Variants in DNAH10 observed in about 807,000 individuals in gnomAD.
The protein encoded by DNAH10 is axonemal beta dynein heavy chain 10.
A neutral mutation model predicts 506.6 loss-of-function variants in DNAH10; 348 were observed. That is an observed-to-expected ratio of 0.69 (90% CI 0.63 to 0.75). The LOEUF (loss-of-function observed/expected upper bound fraction) is 0.75. Among genes scored for constraint, DNAH10 ranks in the 30% least tolerant of loss-of-function variants. The pLI is 0.00. For synonymous variants in DNAH10, 2,059 were observed against 2,198.6 expected, an observed-to-expected ratio of 0.94 and a Z score of 1.78; for missense variants, 5,179 against 5,787.1, an observed-to-expected ratio of 0.89 and a Z score of 3.41.
intron 37 of DNAH10, among the ~76,000 whole-genome samples, chr12:123,858,383 G>T (rs1044063080): frequency 1.3e-5 from 2 of 152,186 alleles, no homozygotes; most frequent in African/African-American, 4.8e-5. Flanking sequence ...TCAGGCCTGG[G>T]CAGTGGGCAC....
At chr12:123,827,719 G>A (rs561736046) in intron 25 of DNAH10, among the ~76,000 whole-genome samples, 4 of 152,224 alleles carry the variant, frequency 2.6e-5, no homozygotes, top group South Asian at 4.2e-4. Flanking sequence ...CCCTTCTTTG[G>A]TTCCCTTCCT....
At chr12:123,918,487 G>T (rs1033070047) in intron 64 of DNAH10, among the ~76,000 whole-genome samples, 189 bp from the exon 65 acceptor site, 1 of 152,240 alleles carries the variant, frequency 6.6e-6, no homozygotes, top group African/African-American at 2.4e-5. Context: ...GGCCATGGGT[G>T]CAGGGGCGTC....
At chr12:123,901,500 G>A (rs1392315004) in intron 56 of DNAH10, among the ~76,000 whole-genome samples, 2 of 152,208 alleles carry the variant, frequency 1.3e-5, no homozygotes, top group African/African-American at 2.4e-5. Flanking sequence ...CTTGTTAGCT[G>A]TGGAGATGGG....
intron 5 of DNAH10, 131 bp from the exon 6 acceptor site, chr12:123,780,942 CAAAAAAA>C: frequency 3.0e-6 from 1 of 332,746 alleles, no homozygotes; most frequent in Non-Finnish European, 4.7e-6. Context: ...GACTCTGTCT[CAAAAAAA>C]AAAAAAAAAA....
chr12:123,766,088 ATCTATCTATCTATACATCTG>A (rs1455752734), intron 1 of DNAH10, among the ~76,000 whole-genome samples: 1 of 108,152 alleles, frequency 9.2e-6, no homozygotes, highest in African/African-American at 7.0e-5. Context: ...CTATCTATAC[ATCTATCTATCTATACATCTG>A]TCTGTCTATC....
intron 5 of DNAH10, 26 bp downstream of exon 5, chr12:123,774,290 C>A (rs750350887): frequency 6.6e-7 from 1 of 1,513,356 alleles, no homozygotes; most frequent in Non-Finnish European, 9.0e-7. Flanking sequence ...GGAAGAAATT[C>A]TAGTATTTCT....
intron 1 of DNAH10, among the ~76,000 whole-genome samples, chr12:123,765,356 C>T (rs1360743600): frequency 6.6e-6 from 1 of 152,168 alleles, no homozygotes; most frequent in East Asian, 1.9e-4. Context: ...TATGAATTCA[C>T]AGAACATAGA....
chr12:123,766,957 G>A (rs983845296), intron 1 of DNAH10, among the ~76,000 whole-genome samples: 3 of 149,176 alleles, frequency 2.0e-5, no homozygotes, highest in African/African-American at 7.4e-5. Context: ...CCAGGCTGGA[G>A]TGCAGTGGTG....
intron 46 of DNAH10, among the ~76,000 whole-genome samples, chr12:123,874,578 C>CCCAT (rs1402214075): frequency 4.1e-4 from 58 of 142,738 alleles, no homozygotes; most frequent in East Asian, 3.0e-3. Context: ...TACCCATCCA[C>CCCAT]CCATCCATCC....
chr12:123,886,348 T>A (rs535915254), intron 51 of DNAH10, among the ~76,000 whole-genome samples: 1 of 151,586 alleles, frequency 6.6e-6, no homozygotes, highest in African/African-American at 2.4e-5. Context: ...GTTCAGAGAG[T>A]AGTGCCAGGA....
intron 21 of DNAH10, among the ~76,000 whole-genome samples, chr12:123,816,172 C>G (rs970388403): frequency 2.6e-5 from 4 of 152,214 alleles, no homozygotes; most frequent in South Asian, 4.1e-4. Context: ...CACAGCCTCT[C>G]AAATCCTTGG....
intron 51 of DNAH10, among the ~76,000 whole-genome samples, 169 bp from the exon 52 acceptor site, chr12:123,886,973 T>C (rs1952762713): frequency 6.6e-6 from 1 of 152,192 alleles, no homozygotes; most frequent in African/African-American, 2.4e-5. Context: ...TTCCCCCTCC[T>C]CTGTTTCATG....
At chr12:123,920,110 A>T (rs2137563601) in intron 65 of DNAH10, among the ~76,000 whole-genome samples, 1 of 152,336 alleles carries the variant, frequency 6.6e-6, no homozygotes, top group East Asian at 1.9e-4. Flanking sequence ...TTTATTATGG[A>T]AAACATATGC....
intron 62 of DNAH10, among the ~76,000 whole-genome samples, chr12:123,915,819 G>A (rs548371292): frequency 1.4e-4 from 22 of 152,328 alleles, no homozygotes; most frequent in Admixed American, 7.2e-4. Context: ...GAAGAATGCC[G>A]CTGTGAATGT....
chr12:123,812,563 A>G (rs1397071045), intron 19 of DNAH10, among the ~76,000 whole-genome samples: 1 of 152,232 alleles, frequency 6.6e-6, no homozygotes, highest in African/African-American at 2.4e-5. Flanking sequence ...ATTTGCCTGA[A>G]TGTGTGTTTT....
intron 36 of DNAH10, among the ~76,000 whole-genome samples, chr12:123,856,002 A>G (rs991377526): frequency 6.7e-6 from 1 of 148,944 alleles, no homozygotes; most frequent in Non-Finnish European, 1.5e-5. Flanking sequence ...AAAAATGCAT[A>G]TTTACATTTA....
chr12:123,897,232 T>C (rs777395630), intron 54 of DNAH10, among the ~76,000 whole-genome samples: 6 of 152,246 alleles, frequency 3.9e-5, no homozygotes, highest in Non-Finnish European at 8.8e-5. Flanking sequence ...ACACATTTTG[T>C]TCATCCATTC....
chr12:123,837,757 ATT>A (rs994688492), intron 28 of DNAH10, among the ~76,000 whole-genome samples: 13 of 135,262 alleles, frequency 9.6e-5, no homozygotes, highest in African/African-American at 8.2e-5. Flanking sequence ...AAAAAAAAAA[ATT>A]TTTTTTTTTT....
In DNAH10 at chr12:123,851,021, A is replaced by G. The variant is rs758804666; in HGVS notation, c.6236A>G (p.Asp2079Gly). Residue 2079 changes from aspartate (D) to glycine (G), a missense_variant, in exon 35 of 79, where the codon GAC becomes GGC. By Grantham distance (94) the Asp-to-Gly change is moderately conservative. Around this residue, in one of 3 missense-constraint regions of DNAH10, gnomAD observed 4,844 missense variants for 5,430.5 expected, o/e 0.89. Transcript: ENST00000673944. The part of the protein sequence containing the change: ...LFRPVVVIVP[D>G]LQQICEIMLF... The stretch of plus-strand genomic sequence containing the variant: ...AGGCCTGTGGTCGTGATCGTGCCCG[A>G]CCTGCAGCAGATCTGTGAGATCATG... 6.2e-7 allele frequency: 1 copy of G among 1,613,636 alleles called. No individual in the cohort carries two copies. Among genetic ancestry groups the G allele is most frequent in the Non-Finnish European group, 8.5e-7 (1 of 1,179,668 alleles).
Sources: allele counts gnomAD v4.1 joint callset (sites outside exome capture counted in the v4.1 genomes callset), GRCh38; gene constraint gnomAD v4.1.1; regional missense constraint gnomAD v4.1.1; transcripts MANE v1.5; gene names NCBI Gene and HGNC (gene_info 2026-07-23, HGNC 2026-07-21).